TBCA: variants seen among roughly 807,000 people sequenced by gnomAD.
TBCA encodes tubulin folding cofactor A.
TBCA carries 6 observed loss-of-function variants against 15.8 expected under a neutral mutation model. That is an observed-to-expected ratio of 0.38 (90% CI 0.21 to 0.75). The LOEUF (loss-of-function observed/expected upper bound fraction) is 0.75. TBCA is among the 30% of genes least tolerant of loss of function. The probability of loss-of-function intolerance (pLI) is 0.46; values close to 1 mark genes in which losing one functional copy is unlikely to be tolerated. For missense variants in TBCA, 90 were observed against 131.2 expected, an observed-to-expected ratio of 0.69 and a Z score of 1.53; for synonymous variants, 32 against 42.3, an observed-to-expected ratio of 0.76 and a Z score of 0.94.
intron 1 of TBCA, among the ~76,000 whole-genome samples, chr5:77,728,805 T>C (rs954719515): frequency 9.2e-5 from 14 of 152,096 alleles, no homozygotes; most frequent in South Asian, 2.1e-4. Flanking sequence ...CTATGTCTCA[T>C]AAAAGAGAGA....
intron 1 of TBCA, among the ~76,000 whole-genome samples, chr5:77,731,302 T>C (rs577746302): frequency 2.0e-5 from 3 of 152,346 alleles, no homozygotes; most frequent in African/African-American, 7.2e-5. Flanking sequence ...AGTTATTATC[T>C]AGAGCTAAAT....
At chr5:77,696,684 G>A (rs1179876524) in intron 2 of TBCA, among the ~76,000 whole-genome samples, 1 of 152,216 alleles carries the variant, frequency 6.6e-6, no homozygotes, top group Non-Finnish European at 1.5e-5. Context: ...CACTTTAGGA[G>A]GCCAAGGCAG....
chr5:77,714,620 G>A (rs1043127912), intron 1 of TBCA, among the ~76,000 whole-genome samples: 53 of 151,156 alleles, frequency 3.5e-4, no homozygotes, highest in African/African-American at 1.3e-3. Context: ...AAGCTGGAGT[G>A]CAGTGGCGCA....
chr5:77,712,453 G>C (rs1746300490), intron 1 of TBCA, among the ~76,000 whole-genome samples: 1 of 151,946 alleles, frequency 6.6e-6, no homozygotes. Flanking sequence ...GGTGAATTTG[G>C]CTCCTCTCGT....
At chr5:77,768,711 T>C (rs2112517636) in intron 1 of TBCA, among the ~76,000 whole-genome samples, 1 of 152,328 alleles carries the variant, frequency 6.6e-6, no homozygotes, top group East Asian at 1.9e-4. Flanking sequence ...GAGTGATCTT[T>C]AGTTAGACCT....
At chr5:77,706,522 T>C (rs981129268) in intron 2 of TBCA, among the ~76,000 whole-genome samples, 1 of 151,746 alleles carries the variant, frequency 6.6e-6, no homozygotes, top group Non-Finnish European at 1.5e-5. Context: ...GAGTAAGAAA[T>C]AGGAGGTGCT....
At chr5:77,705,192 A>G (rs1429276228) in intron 2 of TBCA, among the ~76,000 whole-genome samples, 1 of 152,272 alleles carries the variant, frequency 6.6e-6, no homozygotes, top group African/African-American at 2.4e-5. Context: ...AATTTTATTT[A>G]GAAAGGGAAC....
At chr5:77,700,121 T>C (rs1745977893) in intron 2 of TBCA, among the ~76,000 whole-genome samples, 1 of 150,926 alleles carries the variant, frequency 6.6e-6, no homozygotes, top group African/African-American at 2.4e-5. Context: ...GGAAGGATCG[T>C]TTCAACCCAG....
chr5:77,761,036 C>T (rs1351592806), intron 1 of TBCA, among the ~76,000 whole-genome samples: 1 of 151,768 alleles, frequency 6.6e-6, no homozygotes, highest in Non-Finnish European at 1.5e-5. Context: ...TGCCCGGCTG[C>T]CGCCCCGTCT....
At position 77,746,082 on chromosome 5, in the gene TBCA, A is replaced by G. The variant is rs1350041669; in HGVS notation, c.53+30123T>C. On this transcript the variant is annotated intron_variant, in intron 1 of 3. Coordinates refer to ENST00000380377, the MANE Select transcript of TBCA (RefSeq NM_004607.3). ...CAGTTTTTCATCCCTTTGGTTCCCAACGGGGCATTTCGGCCTTTAGAGATA... is the reference window on the plus strand; with the variant it reads ...CAGTTTTTCATCCCTTTGGTTCCCAGCGGGGCATTTCGGCCTTTAGAGATA... Among the ~76,000 whole-genome samples, 8 of 152,142 alleles carry G rather than the reference A, an allele frequency of 5.3e-5. No individual in the cohort carries two copies. In the East Asian group the frequency reaches 1.5e-3, roughly 29 times the overall value.
chr5:77,691,711 A>C, intron 3 of TBCA: 2 of 1,295,918 alleles, frequency 1.5e-6, no homozygotes, highest in Non-Finnish European at 2.0e-6. Flanking sequence ...GTTTTGTTTC[A>C]CTGTATATAT....
chr5:77,727,239 G>GA (rs35477479), intron 1 of TBCA, among the ~76,000 whole-genome samples: 14,480 of 80,856 alleles, frequency 0.18, 1,641 homozygotes, highest in East Asian at 0.38. Flanking sequence ...TCTGTCTCAG[G>GA]AAAAAAAAAA....
chr5:77,746,870 A>G (rs745556533), intron 1 of TBCA, among the ~76,000 whole-genome samples: 4 of 152,154 alleles, frequency 2.6e-5, no homozygotes, highest in African/African-American at 4.8e-5. Flanking sequence ...ATTTACTTAT[A>G]TCATGCAGTT....
At chr5:77,740,484 A>T (rs1747006152) in intron 1 of TBCA, among the ~76,000 whole-genome samples, 1 of 152,204 alleles carries the variant, frequency 6.6e-6, no homozygotes, top group Non-Finnish European at 1.5e-5. Flanking sequence ...CAGGAAGACA[A>T]GGAAGCAGGA....
intron 2 of TBCA, among the ~76,000 whole-genome samples, chr5:77,696,841 C>T (rs1475135099): frequency 6.6e-6 from 1 of 152,108 alleles, no homozygotes; most frequent in Non-Finnish European, 1.5e-5. Context: ...TTACTTGAGC[C>T]CAGGAGCTGG....
At chr5:77,717,088 T>C (rs1321132559) in intron 1 of TBCA, among the ~76,000 whole-genome samples, 1 of 152,180 alleles carries the variant, frequency 6.6e-6, no homozygotes, top group African/African-American at 2.4e-5. Context: ...CATGAGGAAA[T>C]CCTGCCTAAA....
intron 1 of TBCA, among the ~76,000 whole-genome samples, chr5:77,752,208 G>C (rs1747362013): frequency 6.6e-6 from 1 of 152,114 alleles, no homozygotes; most frequent in Non-Finnish European, 1.5e-5. Flanking sequence ...CCTACGAAAT[G>C]GAACAATTTG....
At chr5:77,771,123 A>AAAAAAT (rs1253049782) in intron 1 of TBCA, among the ~76,000 whole-genome samples, 34 of 152,250 alleles carry the variant, frequency 2.2e-4, no homozygotes, top group African/African-American at 7.2e-4. Flanking sequence ...TCTGACTCTG[A>AAAAAAT]AAAAATAAAA....
chr5:77,715,198 T>G (rs1425556167), intron 1 of TBCA: 1 of 694,286 alleles, frequency 1.4e-6, no homozygotes, highest in Non-Finnish European at 2.6e-6. Flanking sequence ...TACATAAAAA[T>G]GTAAAAAGTT....
Sources: allele counts gnomAD v4.1 joint callset (sites outside exome capture counted in the v4.1 genomes callset), GRCh38; gene constraint gnomAD v4.1.1; transcripts MANE v1.5; gene names NCBI Gene and HGNC (gene_info 2026-07-23, HGNC 2026-07-21).